CORO7: variants seen among roughly 807,000 people sequenced by gnomAD.
The protein encoded by CORO7 is coronin-7.
In CORO7, 107 loss-of-function variants were observed where a neutral mutation model predicts 126.6. The ratio of observed to expected loss-of-function variants is 0.85; its 90% CI spans 0.72 to 0.99. The LOEUF (loss-of-function observed/expected upper bound fraction) is 0.99, where lower values mean the gene tolerates loss of function less well. Ranked by LOEUF, CORO7 falls within the 50% of genes least tolerant of loss-of-function variation. CORO7 has a pLI of 0.00. For missense variants in CORO7, 1,314 were observed against 1,255.8 expected (o/e 1.05, Z -0.70); for synonymous variants, 603 against 536.8 (o/e 1.12, Z -1.70).
intron 6 of CORO7, among the ~76,000 whole-genome samples, chr16:4,397,091 C>T (rs982280082): frequency 6.6e-6 from 1 of 150,734 alleles, no homozygotes; most frequent in Admixed American, 6.6e-5. Flanking sequence ...ACTTGAAATA[C>T]TCATGCTCCT....
At chr16:4,366,705 T>C (rs2054360404) in intron 9 of CORO7, among the ~76,000 whole-genome samples, 1 of 152,042 alleles carries the variant, frequency 6.6e-6, no homozygotes, top group African/African-American at 2.4e-5. Flanking sequence ...CATGGCTGGC[T>C]ATTTTTACTT....
chr16:4,381,630 C>T lies in CORO7; in HGVS notation c.785+6356G>A, dbSNP rs1312489223. On this transcript the variant is annotated intron_variant, in intron 9 of 27. Transcript: ENST00000251166. ...GCCTGCGGCTGGCCGGCAACACCCG[C>T]ATTGCCCAGCTGCGGCCCGAGGACC... 5.6e-6 allele frequency: 9 copies of T among 1,599,494 alleles called. No homozygotes were observed. The South Asian group carries it at 6.7e-5, about 12-fold the overall frequency.
chr16:4,360,948 C>T lies in CORO7; in HGVS notation c.1912G>A (p.Asp638Asn), dbSNP rs770485384. 3.7e-6 allele frequency: 6 copies of T among 1,611,176 alleles called. No homozygotes were observed. Among genetic ancestry groups the T allele is most frequent in the Non-Finnish European group, 5.1e-6 (6 of 1,179,990 alleles). The change falls in exon 19 of 28, where the codon GAC (aspartate) becomes AAC (asparagine). Residue 638 changes from aspartate (D) to asparagine (N), a missense_variant. Asp to Asn is a conservative substitution (Grantham distance 23, BLOSUM62 1). Coordinates refer to ENST00000251166, the MANE Select transcript of CORO7 (RefSeq NM_024535.5). ...CACCTCTGCAGCCGTCCTACCTGGTCTTGGTGGCCCTGCAGCTTCAGCCGA... is the reference window on the plus strand; with the variant it reads ...CACCTCTGCAGCCGTCCTACCTGGTTTTGGTGGCCCTGCAGCTTCAGCCGA... ...ADRLKLQGHQDQIFSLAWSPD... is the reference protein window; with the variant it reads ...ADRLKLQGHQNQIFSLAWSPD...
chr16:4,376,547 A>G (rs946592698), intron 9 of CORO7, among the ~76,000 whole-genome samples: 7 of 152,140 alleles, frequency 4.6e-5, no homozygotes, highest in Non-Finnish European at 1.0e-4. Context: ...CGCCTGCCCC[A>G]GAATCAGTGA....
intron 8 of CORO7, 104 bp from the exon 9 acceptor site, chr16:4,388,172 A>G (rs984093314): frequency 6.9e-7 from 1 of 1,440,044 alleles, no homozygotes; most frequent in African/African-American, 1.4e-5. Flanking sequence ...GACACGGGGC[A>G]CCTGCCCCAG....
At chr16:4,415,961 C>G in intron 1 of CORO7, 1 of 872,842 alleles carries the variant, frequency 1.1e-6, no homozygotes, top group Non-Finnish European at 1.4e-6. Flanking sequence ...GGGGCGCGTG[C>G]GGCCGAGGGG....
At chr16:4,360,224 AG>A in intron 21 of CORO7, 53 bp downstream of exon 21, 1 of 1,609,324 alleles carries the variant, frequency 6.2e-7, no homozygotes, top group Non-Finnish European at 8.5e-7. Context: ...ACTGTGGAGA[AG>A]GGGGACACAG....
chr16:4,360,452 G>A lies in CORO7; in HGVS notation c.2014C>T (p.Pro672Ser). 6.2e-7 allele frequency: 1 copy of A among 1,612,638 alleles called. No individual in the cohort carries two copies. Among genetic ancestry groups the A allele is most frequent in the Non-Finnish European group, 8.5e-7 (1 of 1,179,750 alleles). Residue 672 changes from proline to serine, a missense_variant, in exon 20 of 28, where the codon CCC becomes TCC. Physicochemically the swap from Pro to Ser is moderately conservative, Grantham distance 74. Transcript: ENST00000251166. ...AGCCCCTGTGTGCTCACCTGCAGGGGCTCAGGGCCACTCCGGGGCCTGTAG... is the reference window on the plus strand; with the variant it reads ...AGCCCCTGTGTGCTCACCTGCAGGGACTCAGGGCCACTCCGGGGCCTGTAG... ...RVYRPRSGPE[P>S]LQEGPGPKGG...
intron 9 of CORO7, chr16:4,383,056 C>T (rs145570618): frequency 3.5e-5 from 28 of 801,332 alleles, no homozygotes; most frequent in East Asian, 1.2e-4. Flanking sequence ...CTCTGGACCT[C>T]GGTCTCCTCA....
At chr16:4,410,651 T>C (rs898030653) in intron 3 of CORO7, among the ~76,000 whole-genome samples, 15 of 152,218 alleles carry the variant, frequency 9.9e-5, no homozygotes, top group African/African-American at 3.1e-4. Flanking sequence ...ACGTGAAAGA[T>C]GCCAGATTCC....
intron 4 of CORO7, 42 bp downstream of exon 4, chr16:4,408,139 G>C: frequency 3.1e-6 from 5 of 1,613,750 alleles, no homozygotes; most frequent in Non-Finnish European, 4.2e-6. Context: ...CCTGGACTAC[G>C]GGCTGGGACA....
intron 9 of CORO7, chr16:4,372,136 CCGCCCGGCGGGCAGGCCCTGT>C (rs2054556447): frequency 6.6e-6 from 1 of 151,816 alleles, no homozygotes; most frequent in African/African-American, 2.4e-5. Context: ...GTCACCTGGG[CCGCCCGGCGGGCAGGCCCTGT>C]ACGCTCCCTC....
intron 1 of CORO7, 85 bp downstream of exon 1, chr16:4,416,374 G>A: frequency 2.8e-6 from 4 of 1,430,906 alleles, no homozygotes; most frequent in Non-Finnish European, 3.6e-6. Context: ...CGGCCCTGGA[G>A]GGCACCCCTG....
chr16:4,358,564 C>T, intron 23 of CORO7, 81 bp from the exon 24 acceptor site: 1 of 1,394,024 alleles, frequency 7.2e-7, no homozygotes, highest in East Asian at 2.4e-5. Context: ...GGTGCCGGCA[C>T]CCCTCACTTA....
In CORO7 at chr16:4,407,630, C is replaced by A. The variant is rs764429150; in HGVS notation, c.358G>T (p.Val120Leu). 1 of 1,608,298 alleles carries A rather than the reference C, an allele frequency of 6.2e-7. No individual in the cohort carries two copies. Among genetic ancestry groups the A allele is most frequent in the Non-Finnish European group, 8.5e-7 (1 of 1,177,748 alleles). Reference sequence around the variant, plus strand: ...GGGAGGTCCTCGGGGCCCAGCACCACCCCGGGTGCTGAGGGCAGGGCCTGG... The same window carrying A: ...GGGAGGTCCTCGGGGCCCAGCACCAACCCGGGTGCTGAGGGCAGGGCCTGG... The part of the protein sequence containing the change: ...PGQALPSAPG[V>L]VLGPEDLPVE... The change falls in exon 5 of 28, where the codon GTG becomes TTG. Residue 120 changes from valine (V) to leucine (L), a missense_variant. Val to Leu is a conservative substitution (Grantham distance 32). Coordinates refer to ENST00000251166, the MANE Select transcript of CORO7 (RefSeq NM_024535.5).
In CORO7 at chr16:4,364,624, A is replaced by G; in HGVS notation, c.1110T>C (p.His370=). ...GCTGGTTGTCCCCAGCCCACCAGCT[A>G]TGGGGGTCGGTGGCAGGCACACAGC... ...TAGCVPATDP[H]SWWAGDNQQV... The change falls in exon 13 of 28, where the codon CAT becomes CAC. Residue 370 remains histidine (H), a synonymous_variant. Transcript: ENST00000251166. The G allele has an allele frequency of 6.4e-7, 1 of 1,570,852 alleles. No individual in the cohort carries two copies. Among genetic ancestry groups the G allele is most frequent in the Non-Finnish European group, 8.6e-7 (1 of 1,158,850 alleles).
chr16:4,361,260 A>C lies in CORO7; in HGVS notation c.1688-12T>G. 1 of 1,612,450 alleles carries C rather than the reference A, an allele frequency of 6.2e-7. No homozygotes were observed. The highest frequency in any genetic ancestry group is 8.5e-7 in the Non-Finnish European group (1 of 1,179,876). Reference sequence around the variant, plus strand: ...GGCGTCCTCACCAGCTGCAGAGGACAGACAGGGGCTCATCATTGCTGAGCC... The same window carrying C: ...GGCGTCCTCACCAGCTGCAGAGGACCGACAGGGGCTCATCATTGCTGAGCC... On this transcript the variant is annotated splice_polypyrimidine_tract_variant and intron_variant, in intron 17 of 27. Coordinates refer to ENST00000251166, the MANE Select transcript of CORO7 (RefSeq NM_024535.5).
At chr16:4,415,881 G>T (rs748858998) in intron 1 of CORO7, 22 of 985,480 alleles carry the variant, frequency 2.2e-5, no homozygotes, top group Non-Finnish European at 2.5e-5. Context: ...AGCCGTGGCA[G>T]CATCACCGAG....
intron 7 of CORO7, among the ~76,000 whole-genome samples, chr16:4,390,660 G>A (rs1329099317): frequency 6.6e-6 from 1 of 152,212 alleles, no homozygotes; most frequent in Non-Finnish European, 1.5e-5. Context: ...TAGGGGCACA[G>A]GCTAAGGCTA....
Sources: allele counts gnomAD v4.1 joint callset (sites outside exome capture counted in the v4.1 genomes callset), GRCh38; gene constraint gnomAD v4.1.1; transcripts MANE v1.5; gene names NCBI Gene and HGNC (gene_info 2026-07-23, HGNC 2026-07-21).